Variants in MRS2 observed in about 807,000 individuals in gnomAD.
MRS2 encodes magnesium transporter MRS2 homolog, mitochondrial.
Under a neutral mutation model 52.6 loss-of-function variants are expected in MRS2, and 40 were observed. That is an observed-to-expected ratio of 0.76 (90% CI 0.59 to 0.99). The LOEUF is 0.99. Ranked by LOEUF, MRS2 falls within the 50% of genes least tolerant of loss-of-function variation. MRS2 has a pLI of 0.00. For missense variants in MRS2, 472 were observed against 532.7 expected (o/e 0.89, Z 1.12); for synonymous variants, 193 against 195.9 (o/e 0.98, Z 0.13).
Position 24,425,437 on chromosome 6 carries a change from G to C in MRS2, c.*1743G>C, listed in dbSNP as rs1171263485. On this transcript the variant is annotated 3_prime_UTR_variant, in exon 11 of 11. Transcript: ENST00000378386. Reference sequence around the variant, plus strand: ...AATAATGTAACTACCTCATAAGTCTGATAAAAGGAAGTTGCTAGTGTTTTA... The same window carrying C: ...AATAATGTAACTACCTCATAAGTCTCATAAAAGGAAGTTGCTAGTGTTTTA... 1 of 152,236 alleles carries C rather than the reference G, an allele frequency of 6.6e-6. No individual in the cohort carries two copies. Among genetic ancestry groups the C allele is most frequent in the Non-Finnish European group, 1.5e-5 (1 of 68,040 alleles). 9.4% of individuals were successfully genotyped at this position (152,236 alleles called of 1,614,324 possible).
intron 6 of MRS2, among the ~76,000 whole-genome samples, chr6:24,415,453 C>G (rs186589552): frequency 1.3e-5 from 2 of 152,214 alleles, no homozygotes; most frequent in African/African-American, 4.8e-5. Flanking sequence ...ATTTATATGG[C>G]TAGTAAATGG....
intron 7 of MRS2, among the ~76,000 whole-genome samples, chr6:24,417,367 CATT>C (rs1761886474): frequency 6.6e-6 from 1 of 152,200 alleles, no homozygotes; most frequent in Non-Finnish European, 1.5e-5. Context: ...TATGAAATCA[CATT>C]ATGTACACAC....
chr6:24,411,621 C>T (rs545684013), intron 4 of MRS2, among the ~76,000 whole-genome samples: 2 of 152,304 alleles, frequency 1.3e-5, no homozygotes, highest in African/African-American at 2.4e-5. Flanking sequence ...TCACTGCAAA[C>T]TCCGCCTCCC....
chr6:24,409,666 T>C (rs1304594931), intron 4 of MRS2, 93 bp downstream of exon 4: 22 of 737,438 alleles, frequency 3.0e-5, no homozygotes, highest in Admixed American at 3.1e-5. Flanking sequence ...TTAAAAGTAA[T>C]TTTGGAATAG....
chr6:24,410,877 T>C, intron 4 of MRS2: 2 of 759,514 alleles, frequency 2.6e-6, no homozygotes, highest in Non-Finnish European at 4.2e-6. Context: ...CTGCAATCTT[T>C]CAACTTTTCT....
chr6:24,410,089 C>T (rs1020066390), intron 4 of MRS2, among the ~76,000 whole-genome samples: 1 of 152,140 alleles, frequency 6.6e-6, no homozygotes, highest in Non-Finnish European at 1.5e-5. Flanking sequence ...AAGCAATTCT[C>T]CTGCCTCAGC....
At position 24,425,152 on chromosome 6, in the gene MRS2, A is replaced by T. The variant is rs1443632603; in HGVS notation, c.*1458A>T. ...CTTAGGATTTTTAAGATTGTATTTG[A>T]TAATACTTATATTTCACAGGGCACA... On this transcript the variant is annotated 3_prime_UTR_variant, in exon 11 of 11. Coordinates refer to ENST00000378386, the MANE Select transcript of MRS2 (RefSeq NM_020662.4). 1 of 152,212 alleles carries T rather than the reference A, an allele frequency of 6.6e-6. No homozygotes were observed. The allele number at this position is 152,212 out of a possible 1,614,324, so 9.4% of individuals were successfully genotyped here. A position where few individuals can be genotyped will look rare whatever the true frequency, so the allele number is the denominator to read the frequency against.
At chr6:24,403,422 C>G (rs1278493345) in intron 1 of MRS2, among the ~76,000 whole-genome samples, 186 bp downstream of exon 1, 2 of 152,240 alleles carry the variant, frequency 1.3e-5, no homozygotes, top group Non-Finnish European at 2.9e-5. Flanking sequence ...AGAATGCGAC[C>G]TTGCTATGTG....
At position 24,407,680 on chromosome 6, in the gene MRS2, CA is replaced by C. The variant is rs141242639; in HGVS notation, c.265-725del. Among the ~76,000 whole-genome samples, 1,350 of 152,164 alleles carry C rather than the reference CA, an allele frequency of 8.9e-3. 19 individuals carry two copies. The highest frequency in any genetic ancestry group is 0.031 in the African/African-American group (1,276 of 41,504). ...TCTTTATTGATTCTGCAACACCCAC[CA>C]AAGAGACTTTGGCCTCATGTAGACA... On this transcript the variant is annotated intron_variant, in intron 2 of 10. Transcript: ENST00000378386.
chr6:24,414,357 C>T (rs1027980028), intron 5 of MRS2, among the ~76,000 whole-genome samples: 5 of 148,228 alleles, frequency 3.4e-5, no homozygotes, highest in Middle Eastern at 3.2e-3. Flanking sequence ...TGACTCTTAA[C>T]GAGCATGCTG....
At chr6:24,422,558 A>C (rs534260291) in intron 9 of MRS2, among the ~76,000 whole-genome samples, 1 of 151,620 alleles carries the variant, frequency 6.6e-6, no homozygotes, top group African/African-American at 2.4e-5. Flanking sequence ...CTGAGGTGCT[A>C]TCGTGCCCAG....
chr6:24,412,308 C>T lies in MRS2; in HGVS notation c.501C>T (p.Leu167=), dbSNP rs200774523. 3.4e-5 allele frequency: 54 copies of T among 1,604,014 alleles called. No homozygotes were observed. The highest frequency in any genetic ancestry group is 4.3e-5 in the Non-Finnish European group (50 of 1,175,410). The change falls in exon 5 of 11, where the codon CTC becomes CTT. Residue 167 remains leucine, a synonymous_variant. Coordinates refer to ENST00000378386, the MANE Select transcript of MRS2 (RefSeq NM_020662.4). ...LNLEQWLFRE[L]PSQLSGEGQL... is the part of the protein sequence containing the mutation. The stretch of plus-strand genomic sequence containing the variant: ...TAGAGCAATGGCTGTTCCGGGAACT[C>T]CCTTCACAGTTGTCTGGAGAGGGTC...
At chr6:24,403,510 T>C (rs139460172) in intron 1 of MRS2, among the ~76,000 whole-genome samples, 2 of 152,322 alleles carry the variant, frequency 1.3e-5, no homozygotes, top group East Asian at 3.9e-4. Flanking sequence ...TATGTAACCA[T>C]AGGAACAACC....
chr6:24,425,873 G>T lies in MRS2; in HGVS notation c.*2179G>T, dbSNP rs1410665760. ...TATTTATTTTGGTGAGTTATTCCAA[G>T]AGTTGTATACAGCTTTATTTTTTGG... On this transcript the variant is annotated 3_prime_UTR_variant, in exon 11 of 11. Transcript: ENST00000378386. 2 of 152,184 alleles carry T rather than the reference G, an allele frequency of 1.3e-5. No homozygotes were observed. The highest frequency in any genetic ancestry group is 4.8e-5 in the African/African-American group (2 of 41,458). 9.4% of individuals were successfully genotyped at this position (152,184 alleles called of 1,614,324 possible).
At chr6:24,416,172 C>T (rs1329913161) in intron 6 of MRS2, among the ~76,000 whole-genome samples, 1 of 152,128 alleles carries the variant, frequency 6.6e-6, no homozygotes, top group Non-Finnish European at 1.5e-5. Context: ...ATCCTCCTGC[C>T]TTGGCCTCCT....
Position 24,415,174 on chromosome 6 carries a change from A to T in MRS2, c.719+11A>T. ...ACAGAATGGCAAAAGGTAAATATGG[A>T]TGATGTATCACATTGGGAGTTGGAG... is the stretch of plus-strand genomic sequence containing the variant. On this transcript the variant is annotated intron_variant, in intron 6 of 10. Transcript: ENST00000378386. 6.4e-7 allele frequency: 1 copy of T among 1,559,338 alleles called. No homozygotes were observed. The highest frequency in any genetic ancestry group is 8.8e-7 in the Non-Finnish European group (1 of 1,142,448).
At position 24,403,221 on chromosome 6, in the gene MRS2, C is replaced by G. The variant is rs777000900; in HGVS notation, c.175C>G (p.Arg59Gly). 1 of 1,597,570 alleles carries G rather than the reference C, an allele frequency of 6.3e-7. No homozygotes were observed. Among genetic ancestry groups the G allele is most frequent in the East Asian group, 2.2e-5 (1 of 44,798 alleles). The change falls in exon 1 of 11, where the codon CGG (arginine) becomes GGG (glycine). Residue 59 changes from arginine to glycine, a missense_variant. Transcript: ENST00000378386. ...AGCGGCGCAGCTTTGCGGGCCCGAC[C>G]GGCTCCGCGTGGCAGGTACTGCCCT... Reference protein sequence around the residue: ...SRAAQLCGPDRLRVAGEVHRF... With the variant: ...SRAAQLCGPDGLRVAGEVHRF...
chr6:24,412,490 C>T, intron 5 of MRS2, 95 bp downstream of exon 5: 5 of 913,104 alleles, frequency 5.5e-6, no homozygotes, highest in Non-Finnish European at 8.0e-6. Context: ...AATGGCATGT[C>T]CCCTGACCAC....
At chr6:24,421,854 A>G (rs78993478) in intron 9 of MRS2, among the ~76,000 whole-genome samples, 18,670 of 152,224 alleles carry the variant, frequency 0.12, 1,476 homozygotes, top group East Asian at 0.16. Context: ...CTTAGATCAC[A>G]TATTGCATAT....
Sources: allele counts gnomAD v4.1 joint callset (sites outside exome capture counted in the v4.1 genomes callset), GRCh38; gene constraint gnomAD v4.1.1; transcripts MANE v1.5; gene names NCBI Gene and HGNC (gene_info 2026-07-23, HGNC 2026-07-21).